The following PELP1 variants were observed in gnomAD, a reference collection of about 807,000 sequenced individuals.
PELP1 encodes proline-, glutamic acid- and leucine-rich protein 1.
Under a neutral mutation model 95.5 loss-of-function variants are expected in PELP1, and 32 were observed. That is an observed-to-expected ratio of 0.34 (90% CI 0.25 to 0.45). PELP1 has a LOEUF of 0.45. PELP1 is among the 20% of genes least tolerant of loss of function. The probability of loss-of-function intolerance (pLI) is 1.00; values close to 1 mark genes in which losing one functional copy is unlikely to be tolerated. For missense variants in PELP1, 1,358 were observed against 1,444.8 expected (o/e 0.94, Z 0.97); for synonymous variants, 668 against 600.1 (o/e 1.11, Z -1.65).
Position 4,690,989 on chromosome 17 carries a change from C to G in PELP1, c.319G>C (p.Glu107Gln). Residue 107 changes from glutamate (E) to glutamine (Q), a missense_variant, in exon 3 of 17, where the codon GAG becomes CAG. By Grantham distance (29) the Glu-to-Gln change is conservative (BLOSUM62 2). Around this residue, in one of 7 missense-constraint regions of PELP1, gnomAD observed 7 missense variants for 19.7 expected, o/e 0.36. Transcript: ENST00000572293. ...ARLSSIKTRF[E>Q]GLCLLSLLVG... ...AGCAGGGACAGCAGACACAGGCCCT[C>G]AAACCTTCAAAGAAAGAAGAGAGTC... The G allele has an allele frequency of 6.2e-7, 1 of 1,610,332 alleles. No homozygotes were observed. The highest frequency in any genetic ancestry group is 8.5e-7 in the Non-Finnish European group (1 of 1,176,646).
At chr17:4,702,656 C>G (rs552923140) in intron 1 of PELP1, among the ~76,000 whole-genome samples, 3 of 152,190 alleles carry the variant, frequency 2.0e-5, no homozygotes, top group East Asian at 1.9e-4. Flanking sequence ...TGTGATAAAT[C>G]TGGGGCTAAG....
Position 4,672,928 on chromosome 17 carries a change from G to T in PELP1, c.2063C>A (p.Pro688His). ...PSAGPMPSAG[P>H]MPSAGPVPSA... ...GGGCACAGGGCCTGCTGAGGGCATG[G>T]GGCCTGCTGAAGGCATGGGGCCTGC... The change falls in exon 16 of 17, where the codon CCC (proline) becomes CAC (histidine). Residue 688 changes from proline (P) to histidine (H), a missense_variant. Around this residue, in one of 7 missense-constraint regions of PELP1, gnomAD observed 340 missense variants for 322.9 expected, o/e 1.05. Transcript: ENST00000572293. The T allele has an allele frequency of 6.2e-7, 1 of 1,610,900 alleles. No individual in the cohort carries two copies. Among genetic ancestry groups the T allele is most frequent in the Middle Eastern group, 1.7e-4 (1 of 6,038 alleles).
intron 5 of PELP1, among the ~76,000 whole-genome samples, chr17:4,679,438 CA>C (rs1912615376): frequency 6.6e-6 from 1 of 152,138 alleles, no homozygotes; most frequent in South Asian, 2.1e-4. Flanking sequence ...AAAGCAACAG[CA>C]GAAGAACACT....
intron 3 of PELP1, among the ~76,000 whole-genome samples, chr17:4,690,334 C>T (rs1163657066): frequency 2.6e-5 from 4 of 152,026 alleles, no homozygotes; most frequent in African/African-American, 4.8e-5. Flanking sequence ...GTACACTGCT[C>T]GGGTGATGGG....
intron 1 of PELP1, among the ~76,000 whole-genome samples, chr17:4,698,839 C>A (rs1314539759): frequency 1.3e-5 from 2 of 151,970 alleles, no homozygotes; most frequent in Admixed American, 1.3e-4. Context: ...ATTCTCTGAT[C>A]ATGATGATAG....
intron 1 of PELP1, among the ~76,000 whole-genome samples, chr17:4,700,902 G>A (rs1913497059): frequency 7.4e-6 from 1 of 134,978 alleles, no homozygotes; most frequent in South Asian, 2.4e-4. Flanking sequence ...CTGCACTCCA[G>A]CCTGAGTTAG....
intron 5 of PELP1, among the ~76,000 whole-genome samples, chr17:4,681,251 G>A (rs1219249513): frequency 2.6e-5 from 4 of 152,180 alleles, no homozygotes; most frequent in South Asian, 2.1e-4. Flanking sequence ...TTGGGAGGCC[G>A]AGGCGGGAGG....
chr17:4,703,339 C>T (rs938741864), intron 1 of PELP1, among the ~76,000 whole-genome samples: 4 of 152,152 alleles, frequency 2.6e-5, no homozygotes, highest in Non-Finnish European at 5.9e-5. Flanking sequence ...TCAGCTTAAA[C>T]GCCGGTTTCT....
chr17:4,676,134 C>T lies in PELP1; in HGVS notation c.882G>A (p.Val294=), dbSNP rs1407413317. 6.2e-7 allele frequency: 1 copy of T among 1,614,006 alleles called. No homozygotes were observed. Among genetic ancestry groups the T allele is most frequent in the Admixed American group, 1.7e-5 (1 of 60,018 alleles). Residue 294 remains valine (V), a synonymous_variant, in exon 8 of 17, where the codon GTG becomes GTA. Transcript: ENST00000572293. The part of the protein sequence containing the change: ...TAPVQNEGPG[V]EMLLSSEDGD... ...CATCTTCTGAGGACAGCAGCATCTC[C>T]ACCCCAGGGCCTTCATTCTGCACAG...
intron 6 of PELP1, 92 bp from the exon 7 acceptor site, chr17:4,676,599 CAG>C (rs1458617707): frequency 1.1e-5 from 16 of 1,514,504 alleles, no homozygotes; most frequent in Admixed American, 1.8e-5. Context: ...AGATGGAGAT[CAG>C]AGAGAGCTCT....
Position 4,675,326 on chromosome 17 carries a change from G to T in PELP1, c.1105C>A (p.Leu369Met). ...AAGGCCTCAAGGTGGATAGAGGGCAGCAGCAGCAGCCGCAGGGGACCATCT... is the reference window on the plus strand; with the variant it reads ...AAGGCCTCAAGGTGGATAGAGGGCATCAGCAGCAGCCGCAGGGGACCATCT... The part of the protein sequence containing the change: ...HGDGPLRLLL[L>M]PSIHLEALDL... The change falls in exon 10 of 17, where the codon CTG (leucine) becomes ATG (methionine). Residue 369 changes from leucine (L) to methionine (M), a missense_variant. Transcript: ENST00000572293. This position sits in a 1 kb window ranked among gnomAD's most constrained non-coding sequence, Gnocchi z 4.3. 1 of 1,561,804 alleles carries T rather than the reference G, an allele frequency of 6.4e-7. No homozygotes were observed. Among genetic ancestry groups the T allele is most frequent in the Non-Finnish European group, 8.7e-7 (1 of 1,153,044 alleles).
At position 4,682,821 on chromosome 17, in the gene PELP1, C is replaced by A. The variant is rs375283737; in HGVS notation, c.552G>T (p.Leu184=). ...ATCTCACCTCTGGCCTGAGGCCCAG[C>A]AGGGAGGTGAGAAGGCCAGGGAGGT... is the stretch of plus-strand genomic sequence containing the variant. ...MNHLPGLLTS[L]LGLRPECEQS... is the part of the protein sequence containing the mutation. Residue 184 remains leucine (L), a synonymous_variant, in exon 4 of 17, where the codon CTG becomes CTT. Coordinates refer to ENST00000572293, the MANE Select transcript of PELP1 (RefSeq NM_014389.3). The A allele has an allele frequency of 5.0e-6, 8 of 1,589,362 alleles. No homozygotes were observed. The highest frequency in any genetic ancestry group is 6.8e-6 in the Non-Finnish European group (8 of 1,169,614).
At chr17:4,681,782 G>C (rs138238724) in intron 5 of PELP1, among the ~76,000 whole-genome samples, 5,910 of 151,824 alleles carry the variant, frequency 0.039, 380 homozygotes, top group African/African-American at 0.14. Flanking sequence ...CCTGGCAACA[G>C]AGTGAGACTC....
chr17:4,688,630 C>T (rs1287469694), intron 3 of PELP1, among the ~76,000 whole-genome samples: 1 of 152,130 alleles, frequency 6.6e-6, no homozygotes. Context: ...CTTAGGAATA[C>T]ACCTAACCAA....
chr17:4,693,824 G>A (rs997567851), intron 1 of PELP1, among the ~76,000 whole-genome samples: 2 of 152,182 alleles, frequency 1.3e-5, no homozygotes, highest in Non-Finnish European at 2.9e-5. Flanking sequence ...TTCAGACCAC[G>A]GTTGACCACA....
rs765051780 is a variant in PELP1 at position 4,682,489 on chromosome 17, CATAA to C, written c.642+9_642+12del. On this transcript the variant is annotated intron_variant, in intron 5 of 16. Transcript: ENST00000572293. ...GCTTACACTGGTGGGGAGAAGAGTGCATAAATACTTACTTTGAGAGAACCACAAG... is the reference window on the plus strand; with the variant it reads ...GCTTACACTGGTGGGGAGAAGAGTGCATACTTACTTTGAGAGAACCACAAG... 1.3e-6 allele frequency: 2 copies of C among 1,563,322 alleles called. No homozygotes were observed. Among genetic ancestry groups the C allele is most frequent in the African/African-American group, 1.4e-5 (1 of 73,978 alleles).
At chr17:4,683,509 A>G (rs7226333) in intron 3 of PELP1, among the ~76,000 whole-genome samples, 133,212 of 144,518 alleles carry the variant, frequency 0.92, 62,012 homozygotes, top group East Asian at 1. Flanking sequence ...GTGAGCCATC[A>G]CGCCCAGCTG....
At chr17:4,693,960 G>A (rs551662681) in intron 1 of PELP1, among the ~76,000 whole-genome samples, 2 of 152,264 alleles carry the variant, frequency 1.3e-5, no homozygotes, top group South Asian at 2.1e-4. Context: ...TACTTGGGAG[G>A]CTGAGGCATA....
rs1263831532 is a variant in PELP1, at chr17:4,671,944, T to A, written c.3047A>T (p.Glu1016Val). The change falls in exon 16 of 17, where the codon GAG becomes GTG. Residue 1016 changes from glutamate to valine, a missense_variant. This residue lies in a region of PELP1 where 283 missense variants were observed against 284.1 expected (regional missense o/e 1.00). Transcript: ENST00000572293. ...LLEVEEPGTE[E>V]ERGADTAPTL... ...GGGAGCTGTGTCAGCCCCACGCTCC[T>A]CCTCCGTCCCTGGCTCCTCCACTTC... The A allele has an allele frequency of 6.5e-7, 1 of 1,526,878 alleles. No individual in the cohort carries two copies. The highest frequency in any genetic ancestry group is 1.4e-5 in the African/African-American group (1 of 71,874). The allele number at this position is 1,526,878 out of a possible 1,614,324, so 94.6% of individuals were successfully genotyped here. A position where few individuals can be genotyped will look rare whatever the true frequency, so the allele number is the denominator to read the frequency against.
Sources: gnomAD v4.1 joint callset for allele counts (sites outside exome capture counted in the v4.1 genomes callset) on GRCh38, gnomAD v4.1.1 for gene constraint, gnomAD v4.1.1 regional missense constraint, Gnocchi (gnomAD v3.1) non-coding constraint, MANE v1.5 for transcripts, NCBI Gene and HGNC (gene_info 2026-07-23, HGNC 2026-07-21) for gene names.